The following SAMD5 variants were observed in gnomAD, a reference collection of about 807,000 sequenced individuals.
The protein encoded by SAMD5 is sterile alpha motif domain containing 5, also known as sterile alpha motif domain-containing protein 5.
SAMD5 carries 13 observed loss-of-function variants against 11.3 expected under a neutral mutation model. The observed-to-expected ratio is 1.15, with a 90% CI of 0.75 to 1.83. The LOEUF (loss-of-function observed/expected upper bound fraction) is 1.83, where lower values mean the gene tolerates loss of function less well. SAMD5 is among the 40% of genes most tolerant of loss of function. The pLI, the probability that SAMD5 is intolerant of heterozygous loss-of-function variation, is 0.00. For synonymous variants in SAMD5, 129 were observed against 111.3 expected, an observed-to-expected ratio of 1.16 and a Z score of -1.00; for missense variants, 255 against 239.1, an observed-to-expected ratio of 1.07 and a Z score of -0.44.
At chr6:147,729,371 G>T (rs1378015910) in intron 1 of SAMD5, among the ~76,000 whole-genome samples, 2 of 152,154 alleles carry the variant, frequency 1.3e-5, no homozygotes, top group Admixed American at 1.3e-4. Flanking sequence ...TCTAAGACAA[G>T]ATTGACCTTG....
At chr6:147,639,682 G>A (rs995583846) in intron 1 of SAMD5, among the ~76,000 whole-genome samples, 1 of 152,192 alleles carries the variant, frequency 6.6e-6, no homozygotes, top group African/African-American at 2.4e-5. Context: ...TTCTGATTAG[G>A]AAGCATTGAA....
chr6:147,890,749 GA>G, the SAMD5 span, among the ~76,000 whole-genome samples: 1 of 146,730 alleles, frequency 6.8e-6, no homozygotes, highest in South Asian at 2.2e-4. Flanking sequence ...TGGATATTTG[GA>G]TAGTTTTTTT....
chr6:147,620,095 C>CCCTTGTGGG lies in SAMD5; in HGVS notation c.162+110708_162+110709insCCTTGTGGG, dbSNP rs530945293. ...CACGTGTAGCCCTTGTGGGAATGAG[C>CCCTTGTGGG]AATGACACTGTTCTTGGCATCACAG... On this transcript the variant is annotated intron_variant, in intron 1 of 1. Coordinates refer to the SAMD5 transcript ENST00000566741. Among the ~76,000 whole-genome samples the CCCTTGTGGG allele has an allele frequency of 6.8e-4, 104 of 152,326 alleles. 1 individual carries two copies. In the East Asian group the frequency reaches 0.02, roughly 29 times the overall value.
At chr6:147,510,349 G>A (rs1000039035) in intron 1 of SAMD5, among the ~76,000 whole-genome samples, 1 of 152,182 alleles carries the variant, frequency 6.6e-6, no homozygotes, top group Non-Finnish European at 1.5e-5. Flanking sequence ...GGCGGCTGTC[G>A]GAGTAGAGGG....
the SAMD5 span, among the ~76,000 whole-genome samples, chr6:147,866,219 T>C: frequency 6.6e-6 from 1 of 152,160 alleles, no homozygotes; most frequent in Non-Finnish European, 1.5e-5. Flanking sequence ...TGTTGATCAA[T>C]TTATAACTTG....
chr6:147,679,569 A>G lies in SAMD5; in HGVS notation c.163-57748A>G, dbSNP rs545008246. 1.1e-4 allele frequency among the ~76,000 whole-genome samples: 16 copies of G among 152,200 alleles called. No individual in the cohort carries two copies. In the East Asian group the frequency reaches 2.7e-3, roughly 26 times the overall value. ...TCTAGATTAAATTACTTTATCAAAT[A>G]GGTTTTTTGCAATTATTTTTCCCAG... On this transcript the variant is annotated intron_variant, in intron 1 of 1. Transcript: ENST00000566741.
At chr6:147,771,254 C>A in the SAMD5 span, among the ~76,000 whole-genome samples, 6 of 152,308 alleles carry the variant, frequency 3.9e-5, no homozygotes, top group East Asian at 9.6e-4. Flanking sequence ...CTCTGTGTTA[C>A]CTAATTGCTC....
chr6:147,895,618 A>G, the SAMD5 span, among the ~76,000 whole-genome samples: 2 of 152,190 alleles, frequency 1.3e-5, no homozygotes, highest in African/African-American at 4.8e-5. Context: ...AGCAAATGAG[A>G]GTAATGAAAG....
intron 1 of SAMD5, among the ~76,000 whole-genome samples, chr6:147,545,509 C>T (rs887216890): frequency 1.5e-4 from 23 of 152,086 alleles, no homozygotes; most frequent in African/African-American, 4.8e-4. Flanking sequence ...TCCATGTTGA[C>T]ATTCCTTAAA....
the SAMD5 span, among the ~76,000 whole-genome samples, chr6:147,954,599 C>T: frequency 1.3e-5 from 2 of 151,914 alleles, no homozygotes; most frequent in African/African-American, 4.8e-5. Flanking sequence ...CTGCTAGCTC[C>T]ATTCGTGGTA....
chr6:147,818,197 G>A, the SAMD5 span, among the ~76,000 whole-genome samples: 1 of 152,162 alleles, frequency 6.6e-6, no homozygotes, highest in Non-Finnish European at 1.5e-5. Flanking sequence ...GAGTTCTAGG[G>A]ACTTCCAGTG....
the SAMD5 span, among the ~76,000 whole-genome samples, chr6:147,777,158 T>TTC: frequency 6.2e-4 from 94 of 151,908 alleles, no homozygotes; most frequent in Non-Finnish European, 6.5e-4. Context: ...GACTTTTTTT[T>TTC]TCTCTCTCTC....
At chr6:147,600,156 G>T (rs1789594123) in intron 1 of SAMD5, among the ~76,000 whole-genome samples, 13 of 152,120 alleles carry the variant, frequency 8.5e-5, no homozygotes, top group Admixed American at 8.5e-4. Flanking sequence ...TAAGCCTCTG[G>T]GTCCATGAGG....
At chr6:147,540,779 G>C (rs527800627) in intron 1 of SAMD5, among the ~76,000 whole-genome samples, 9 of 151,892 alleles carry the variant, frequency 5.9e-5, no homozygotes, top group African/African-American at 1.7e-4. Context: ...GAGAGAGAGG[G>C]GGGGGGTCCA....
the SAMD5 span, among the ~76,000 whole-genome samples, chr6:147,913,887 G>A: frequency 2.6e-5 from 4 of 152,198 alleles, no homozygotes; most frequent in Admixed American, 6.5e-5. Flanking sequence ...GTGCATGTGC[G>A]TGCTTCCTAA....
the SAMD5 span, among the ~76,000 whole-genome samples, chr6:147,838,530 T>TTCCC: frequency 9.1e-6 from 1 of 110,464 alleles, no homozygotes. Context: ...AAGAATATCC[T>TTCCC]GCCCCCCCCC....
the SAMD5 span, among the ~76,000 whole-genome samples, chr6:147,917,695 GA>G: frequency 6.6e-6 from 1 of 152,120 alleles, no homozygotes; most frequent in African/African-American, 2.4e-5. Context: ...TTTTAGGTCT[GA>G]CATTTAAGTC....
At chr6:147,928,978 G>A in the SAMD5 span, among the ~76,000 whole-genome samples, 1 of 147,928 alleles carries the variant, frequency 6.8e-6, no homozygotes, top group South Asian at 2.1e-4. Context: ...GGTTTTGAGT[G>A]TTTTTTTTTT....
the SAMD5 span, among the ~76,000 whole-genome samples, chr6:147,855,742 C>A: frequency 6.6e-6 from 1 of 152,084 alleles, no homozygotes; most frequent in Non-Finnish European, 1.5e-5. Flanking sequence ...AATTAAAAGG[C>A]AGAGTTTCTC....
Sources: gnomAD v4.1 joint callset for allele counts (sites outside exome capture counted in the v4.1 genomes callset) on GRCh38, gnomAD v4.1.1 for gene constraint, MANE v1.5 for transcripts, NCBI Gene and HGNC (gene_info 2026-07-23, HGNC 2026-07-21) for gene names.